The following FHIT variants were observed in gnomAD, a reference collection of about 807,000 sequenced individuals.
FHIT encodes fragile histidine triad diadenosine triphosphatase, also known as bis(5'-adenosyl)-triphosphatase.
A neutral mutation model predicts 17.9 loss-of-function variants in FHIT; 19 were observed. The ratio of observed to expected loss-of-function variants is 1.06; its 90% CI spans 0.74 to 1.56. The LOEUF (loss-of-function observed/expected upper bound fraction) is 1.56. Among genes scored for constraint, FHIT ranks in the 40% most tolerant of loss-of-function variants. The pLI is 0.00. For missense variants in FHIT, 248 were observed against 189.2 expected (o/e 1.31, Z -1.82); for synonymous variants, 81 against 69.7 (o/e 1.16, Z -0.81).
intron 4 of FHIT, among the ~76,000 whole-genome samples, chr3:60,583,557 C>T (rs1267413823): frequency 1.3e-5 from 2 of 152,034 alleles, no homozygotes; most frequent in African/African-American, 2.4e-5. Context: ...GTCACTAAAA[C>T]TTGAGTTTCA....
intron 4 of FHIT, among the ~76,000 whole-genome samples, chr3:60,547,748 T>C (rs1267407442): frequency 2.0e-5 from 3 of 152,116 alleles, no homozygotes; most frequent in Non-Finnish European, 4.4e-5. Context: ...AAAGAAACAA[T>C]GAAAAGATCT....
At chr3:59,946,270 T>C (rs1706798326) in intron 7 of FHIT, among the ~76,000 whole-genome samples, 1 of 152,192 alleles carries the variant, frequency 6.6e-6, no homozygotes, top group South Asian at 2.1e-4. Context: ...TATTTTTTTG[T>C]GTGTGTTTGA....
At position 61,239,772 on chromosome 3, in the gene FHIT, T is replaced by TATATATAC. The variant is rs1265226303; in HGVS notation, c.-213+11528_-213+11529insGTATATAT. ...AGAAAAACAACTGGCCATATATATA[T>TATATATAC]ATATATATATATACACAAATTCTAA... is the stretch of plus-strand genomic sequence containing the variant. On this transcript the variant is annotated intron_variant, in intron 1 of 9. Transcript: ENST00000492590. Among the ~76,000 whole-genome samples, 3 of 136,674 alleles carry TATATATAC rather than the reference T, an allele frequency of 2.2e-5. 1 individual carries two copies. The highest frequency in any genetic ancestry group is 8.2e-5 in the African/African-American group (3 of 36,608). The allele number at this position is 136,674 out of a possible 152,430, so 89.7% of individuals were successfully genotyped here.
At chr3:60,009,163 TTATGTGTGTG>T (rs1357857396) in intron 7 of FHIT, among the ~76,000 whole-genome samples, 14,482 of 128,510 alleles carry the variant, frequency 0.11, 1,332 homozygotes, top group Middle Eastern at 0.16. Context: ...CTCTGGGATT[TTATGTGTGTG>T]TGTGTGTGTG....
intron 4 of FHIT, among the ~76,000 whole-genome samples, chr3:60,715,580 A>G (rs782432568): frequency 1.1e-4 from 15 of 132,908 alleles, no homozygotes; most frequent in Non-Finnish European, 2.1e-4. Context: ...ATGAGAACAC[A>G]TGGACGCAGG....
At chr3:59,988,856 A>T (rs549264059) in intron 7 of FHIT, among the ~76,000 whole-genome samples, 1 of 152,130 alleles carries the variant, frequency 6.6e-6, no homozygotes, top group South Asian at 2.1e-4. Flanking sequence ...GAGCAGGAGG[A>T]AACAGGGGCA....
chr3:60,974,793 T>A (rs1012855043), intron 3 of FHIT, among the ~76,000 whole-genome samples: 1 of 152,182 alleles, frequency 6.6e-6, no homozygotes, highest in Non-Finnish European at 1.5e-5. Flanking sequence ...CTTTCCCACC[T>A]ACATTTACAG....
At chr3:60,177,035 C>T (rs1055658941) in intron 5 of FHIT, among the ~76,000 whole-genome samples, 1 of 151,952 alleles carries the variant, frequency 6.6e-6, no homozygotes. Flanking sequence ...AAAAAATGCT[C>T]ATAGGGAGAC....
intron 5 of FHIT, among the ~76,000 whole-genome samples, chr3:60,292,380 G>C (rs1392142674): frequency 7.2e-5 from 11 of 151,878 alleles, no homozygotes. Flanking sequence ...TCAACACGTT[G>C]GGAGTTCCCC....
intron 5 of FHIT, among the ~76,000 whole-genome samples, chr3:60,333,160 G>C (rs181541308): frequency 6.6e-6 from 1 of 152,296 alleles, no homozygotes; most frequent in South Asian, 2.1e-4. Flanking sequence ...AAATGAAAGC[G>C]CATATTGCTT....
chr3:59,989,461 A>G (rs1709130705), intron 7 of FHIT, among the ~76,000 whole-genome samples: 1 of 152,008 alleles, frequency 6.6e-6, no homozygotes. Context: ...CACTCCAACA[A>G]TGAGTTCAGA....
intron 4 of FHIT, among the ~76,000 whole-genome samples, chr3:60,717,502 G>A (rs2041712134): frequency 6.6e-6 from 1 of 152,094 alleles, no homozygotes; most frequent in Admixed American, 6.6e-5. Context: ...CCCATCATGG[G>A]CCTACTCAAA....
In FHIT at chr3:59,752,242, C is replaced by T. The variant is rs148953804; in HGVS notation, c.428G>A (p.Arg143Gln). The T allele has an allele frequency of 8.0e-5, 129 of 1,612,392 alleles. No homozygotes were observed. The highest frequency in any genetic ancestry group is 1.6e-4 in the South Asian group (15 of 90,978). ...EEMAAEAAALRVYFQ is the reference protein window; with the variant it reads ...EEMAAEAAALQVYFQ ...TTACCTGTGTCACTGAAAGTAGACC[C>T]GCAGAGCTGCGGCTTCTGCTGCCAT... The change falls in exon 9 of 10, where the codon CGG (arginine) becomes CAG (glutamine). Residue 143 changes from arginine (R) to glutamine (Q), a missense_variant. Transcript: ENST00000492590.
intron 8 of FHIT, among the ~76,000 whole-genome samples, chr3:59,810,076 G>A (rs182800957): frequency 6.6e-6 from 1 of 152,260 alleles, no homozygotes; most frequent in African/African-American, 2.4e-5. Context: ...GCAGATGCTG[G>A]TCTGCTTTAG....
At chr3:60,246,249 A>G (rs1278406304) in intron 5 of FHIT, among the ~76,000 whole-genome samples, 1 of 152,078 alleles carries the variant, frequency 6.6e-6, no homozygotes, top group African/African-American at 2.4e-5. Flanking sequence ...TAAAAAGTCT[A>G]CCTCCAGCAA....
chr3:60,539,700 C>G lies in FHIT; in HGVS notation c.-17-2721G>C, dbSNP rs1297519687. On this transcript the variant is annotated intron_variant, in intron 4 of 9. Coordinates refer to ENST00000492590, the MANE Select transcript of FHIT (RefSeq NM_002012.4). ...GCAAACTATCACAAGGACAAAAAACCAAACACTGCATGTTCTCACTTATAG... is the reference window on the plus strand; with the variant it reads ...GCAAACTATCACAAGGACAAAAAACGAAACACTGCATGTTCTCACTTATAG... Among the ~76,000 whole-genome samples the G allele has an allele frequency of 2.0e-5, 3 of 152,086 alleles. No homozygotes were observed. In the South Asian group the frequency reaches 6.2e-4, roughly 32 times the overall value.
At chr3:60,014,225 G>T in intron 5 of FHIT, 73 bp from the exon 6 acceptor site, 2 of 1,496,346 alleles carry the variant, frequency 1.3e-6, no homozygotes, top group East Asian at 2.3e-5. Context: ...CATACCCACA[G>T]GATTGAATCC....
At chr3:60,536,442 C>T in intron 5 of FHIT, 1 of 157,602 alleles carries the variant, frequency 6.3e-6, no homozygotes, top group Non-Finnish European at 1.4e-5. Context: ...CTCAAATCCT[C>T]ACATATCTTA....
chr3:60,420,123 T>C (rs1377739985), intron 5 of FHIT, among the ~76,000 whole-genome samples: 2 of 152,168 alleles, frequency 1.3e-5, no homozygotes, highest in Non-Finnish European at 1.5e-5. Context: ...TGTGTTTTAA[T>C]TGAATACCTT....
Sources: gnomAD v4.1 joint callset for allele counts (sites outside exome capture counted in the v4.1 genomes callset) on GRCh38, gnomAD v4.1.1 for gene constraint, MANE v1.5 for transcripts, NCBI Gene and HGNC (gene_info 2026-07-23, HGNC 2026-07-21) for gene names.